Variants in PTPN21 observed in about 807,000 individuals in gnomAD.
The protein encoded by PTPN21 is protein tyrosine phosphatase non-receptor type 21.
Under a neutral mutation model 131.8 loss-of-function variants are expected in PTPN21, and 77 were observed. The ratio of observed to expected loss-of-function variants is 0.58; its 90% CI spans 0.49 to 0.71. The LOEUF is 0.71. Among genes scored for constraint, PTPN21 ranks in the 30% least tolerant of loss-of-function variants. The pLI is 0.00. For missense variants in PTPN21, 1,552 were observed against 1,527.1 expected (o/e 1.02, Z -0.27); for synonymous variants, 715 against 621.3 (o/e 1.15, Z -2.24).
Position 88,479,898 on chromosome 14 carries a change from C to T in PTPN21, c.1533G>A (p.Pro511=), listed in dbSNP as rs145218668. ...TGTGGAAGCTGTAGCTCAGGCTGAA[C>T]GGGCAGTGTGCGGCCGCTGGCGAGG... The part of the protein sequence containing the change: ...QLPSPAAAHC[P]FSLSYSFHSP... Residue 511 remains proline (P), a synonymous_variant, in exon 13 of 19, where the codon CCG becomes CCA. Transcript: ENST00000556564. 1.0e-5 allele frequency: 16 copies of T among 1,594,650 alleles called. No individual in the cohort carries two copies. The Admixed American group carries it at 1.2e-4, about 12-fold the overall frequency.
Position 88,465,787 on chromosome 14 carries a change from T to C in PTPN21, c.*2350A>G, listed in dbSNP as rs533636478. 1 of 152,330 alleles carries C rather than the reference T, an allele frequency of 6.6e-6. No homozygotes were observed. The highest frequency in any genetic ancestry group is 2.4e-5 in the African/African-American group (1 of 41,574). The allele number at this position is 152,330 out of a possible 1,614,324, so 9.4% of individuals were successfully genotyped here. On this transcript the variant is annotated 3_prime_UTR_variant, in exon 19 of 19. Coordinates refer to ENST00000556564, the MANE Select transcript of PTPN21 (RefSeq NM_007039.4). ...CTATTTCAAAGCTCAGTAATGTGGA[T>C]AGATTTTTATTCAGAAATCCTTTCA...
intron 2 of PTPN21, among the ~76,000 whole-genome samples, chr14:88,525,377 G>C (rs1195179782): frequency 2.0e-5 from 3 of 152,024 alleles, no homozygotes; most frequent in Admixed American, 2.0e-4. Context: ...CATACAGAAA[G>C]AAACAACCCA....
chr14:88,507,044 A>G (rs890048231), intron 4 of PTPN21, among the ~76,000 whole-genome samples: 1 of 150,564 alleles, frequency 6.6e-6, no homozygotes, highest in Non-Finnish European at 1.5e-5. Flanking sequence ...GCGAGACTCC[A>G]TCTCAAAAAA....
intron 2 of PTPN21, among the ~76,000 whole-genome samples, chr14:88,541,356 A>G (rs2078702961): frequency 6.6e-6 from 1 of 152,236 alleles, no homozygotes; most frequent in Non-Finnish European, 1.5e-5. Flanking sequence ...TGAATAGGAA[A>G]ATATTCGCTA....
intron 2 of PTPN21, chr14:88,547,778 A>G (rs2078804671): frequency 2.4e-6 from 1 of 408,566 alleles, no homozygotes; most frequent in South Asian, 1.8e-5. Context: ...CTAATCTACC[A>G]TGAGGGGTCT....
At chr14:88,540,561 G>A (rs1459832016) in intron 2 of PTPN21, among the ~76,000 whole-genome samples, 2 of 152,198 alleles carry the variant, frequency 1.3e-5, no homozygotes, top group African/African-American at 4.8e-5. Context: ...GAATCAAATG[G>A]TATAAAGTTC....
In PTPN21 at chr14:88,552,967, G is replaced by A. The variant is rs185702600; in HGVS notation, c.-203+1684C>T. 6.3e-3 allele frequency among the ~76,000 whole-genome samples: 960 copies of A among 152,244 alleles called. 7 individuals are homozygous for A. Among genetic ancestry groups the A allele is most frequent in the Non-Finnish European group, 0.01 (706 of 68,010 alleles). On this transcript the variant is annotated intron_variant, in intron 1 of 18. Transcript: ENST00000556564. ...AAATTATGGTAACTGGAAACCGGGC[G>A]GATTAAGTAGTGTAGATGAACAGAC... is the stretch of plus-strand genomic sequence containing the variant.
At chr14:88,522,160 A>ATTG (rs2078404128) in intron 2 of PTPN21, among the ~76,000 whole-genome samples, 2 of 151,680 alleles carry the variant, frequency 1.3e-5, no homozygotes, top group South Asian at 4.2e-4. Context: ...GGCGTGGTGG[A>ATTG]TTGTGCCTGT....
intron 8 of PTPN21, among the ~76,000 whole-genome samples, chr14:88,499,557 G>C (rs2077977229): frequency 6.6e-6 from 1 of 152,052 alleles, no homozygotes; most frequent in African/African-American, 2.4e-5. Flanking sequence ...GGTCACCATG[G>C]ACAAATCACA....
At chr14:88,488,863 A>C (rs913188408) in intron 10 of PTPN21, among the ~76,000 whole-genome samples, 1 of 152,204 alleles carries the variant, frequency 6.6e-6, no homozygotes, top group African/African-American at 2.4e-5. Flanking sequence ...TACCAGCCCA[A>C]GTAAAATCAA....
chr14:88,492,034 A>G (rs1387181154), intron 10 of PTPN21, among the ~76,000 whole-genome samples: 1 of 151,858 alleles, frequency 6.6e-6, no homozygotes, highest in Non-Finnish European at 1.5e-5. Context: ...TTGCAAAAAA[A>G]AAAACACAAA....
intron 10 of PTPN21, among the ~76,000 whole-genome samples, chr14:88,488,648 A>G (rs1177572452): frequency 6.6e-6 from 1 of 152,146 alleles, no homozygotes; most frequent in Non-Finnish European, 1.5e-5. Flanking sequence ...AAAGAAGACA[A>G]AATAAAAATT....
At chr14:88,520,231 C>T (rs1158926754) in intron 2 of PTPN21, among the ~76,000 whole-genome samples, 1 of 152,110 alleles carries the variant, frequency 6.6e-6, no homozygotes, top group East Asian at 1.9e-4. Context: ...ATCTGGGCAA[C>T]ATGGCGAAAC....
At chr14:88,544,406 G>A (rs1020094081) in intron 2 of PTPN21, among the ~76,000 whole-genome samples, 1 of 152,072 alleles carries the variant, frequency 6.6e-6, no homozygotes, top group Admixed American at 6.6e-5. Context: ...TACTACAACA[G>A]GGGATAGGAG....
chr14:88,484,877 ACT>A (rs35077706), intron 12 of PTPN21, among the ~76,000 whole-genome samples, 197 bp downstream of exon 12: 50,793 of 151,386 alleles, frequency 0.34, 8,631 homozygotes, highest in South Asian at 0.42. Context: ...ACACATTGAG[ACT>A]CTGTCTCCAA....
rs552330099 is a variant in PTPN21, at chr14:88,516,646, C to G, written c.350+446G>C. 2.0e-5 allele frequency among the ~76,000 whole-genome samples: 3 copies of G among 152,250 alleles called. No homozygotes were observed. The East Asian group carries it at 5.8e-4, about 29-fold the overall frequency. On this transcript the variant is annotated intron_variant, in intron 3 of 18. Transcript: ENST00000556564. ...GATCTTAAACACTTCCCTCCCTCTCCTCTGTACTCCCTCCCCAACCGGTCT... is the reference window on the plus strand; with the variant it reads ...GATCTTAAACACTTCCCTCCCTCTCGTCTGTACTCCCTCCCCAACCGGTCT...
chr14:88,477,453 A>C (rs1244036973), intron 13 of PTPN21, among the ~76,000 whole-genome samples: 9 of 136,962 alleles, frequency 6.6e-5, no homozygotes, highest in East Asian at 5.9e-4. Context: ...TTCTAAAAAA[A>C]AAAAAAAAAA....
At chr14:88,532,109 T>TAA (rs541082612) in intron 2 of PTPN21, among the ~76,000 whole-genome samples, 2 of 141,076 alleles carry the variant, frequency 1.4e-5, no homozygotes, top group Non-Finnish European at 1.6e-5. Context: ...AAACGGTAAT[T>TAA]AAAAAAAAAA....
At chr14:88,497,396 G>T in intron 8 of PTPN21, 106 bp from the exon 9 acceptor site, 1 of 884,954 alleles carries the variant, frequency 1.1e-6, no homozygotes, top group Non-Finnish European at 1.8e-6. Context: ...TTAGCATTTG[G>T]TAACATTTTT....
Sources: gnomAD v4.1 joint callset for allele counts (sites outside exome capture counted in the v4.1 genomes callset) on GRCh38, gnomAD v4.1.1 for gene constraint, MANE v1.5 for transcripts, NCBI Gene and HGNC (gene_info 2026-07-23, HGNC 2026-07-21) for gene names.